Variants in KIF17 observed in about 807,000 individuals in gnomAD.
KIF17 encodes the protein kinesin-like protein KIF17.
Under a neutral mutation model 96.8 loss-of-function variants are expected in KIF17, and 80 were observed. The observed-to-expected ratio is 0.83, with a 90% CI of 0.69 to 1.00. The LOEUF (loss-of-function observed/expected upper bound fraction) is 1.00, where lower values mean the gene tolerates loss of function less well. Ranked by LOEUF, KIF17 falls within the 50% of genes least tolerant of loss-of-function variation. The probability of loss-of-function intolerance (pLI) is 0.00; values close to 1 mark genes in which losing one functional copy is unlikely to be tolerated. For synonymous variants in KIF17, 567 were observed against 587.5 expected (o/e 0.97, Z 0.51); for missense variants, 1,280 against 1,372.9 (o/e 0.93, Z 1.07).
rs774387571 is a variant in KIF17 at position 20,685,971 on chromosome 1, A to C, written c.2019+75T>G. On this transcript the variant is annotated intron_variant, in intron 9 of 14. Transcript: ENST00000400463. This position sits in a 1 kb window ranked among gnomAD's most constrained non-coding sequence, Gnocchi z 4.1. ...TGAGGAAACTGAAGCTCAGGGAGGG[A>C]GAAGACAAGCTGGAGTTTCCCAGGA... The C allele has an allele frequency of 8.4e-7, 1 of 1,188,244 alleles. No homozygotes were observed. Among genetic ancestry groups the C allele is most frequent in the Non-Finnish European group, 1.2e-6 (1 of 815,972 alleles). The allele number at this position is 1,188,244 out of a possible 1,614,324, so 73.6% of individuals were successfully genotyped here.
At chr1:20,681,602 A>G (rs1184322604) in intron 11 of KIF17, among the ~76,000 whole-genome samples, 2 of 152,200 alleles carry the variant, frequency 1.3e-5, no homozygotes, top group Admixed American at 6.5e-5. Flanking sequence ...CATGAGGATC[A>G]GGAGACCCGG....
intron 11 of KIF17, among the ~76,000 whole-genome samples, chr1:20,675,534 G>T (rs965721428): frequency 1.3e-5 from 2 of 152,008 alleles, no homozygotes; most frequent in African/African-American, 4.8e-5. Context: ...CTGTGTGTCT[G>T]TCCTCATGCC....
chr1:20,665,828 G>A lies in KIF17; in HGVS notation c.2908+386C>T, dbSNP rs571915730. Reference sequence around the variant, plus strand: ...GTTGCATTTGTGGCCCTTGATAAGTGAAGTCAATCTGCATTTGGAGGAAGT... The same window carrying A: ...GTTGCATTTGTGGCCCTTGATAAGTAAAGTCAATCTGCATTTGGAGGAAGT... On this transcript the variant is annotated intron_variant, in intron 14 of 14. Coordinates refer to ENST00000400463, the MANE Select transcript of KIF17 (RefSeq NM_001122819.3). Among the ~76,000 whole-genome samples the A allele has an allele frequency of 1.1e-3, 162 of 152,358 alleles. 1 individual carries two copies. The highest frequency in any genetic ancestry group is 2.3e-3 in the Admixed American group (35 of 15,310).
At chr1:20,711,557 G>A (rs577748376) in intron 3 of KIF17, among the ~76,000 whole-genome samples, 2 of 152,286 alleles carry the variant, frequency 1.3e-5, no homozygotes, top group South Asian at 4.1e-4. Flanking sequence ...TCGCTGCCAC[G>A]GGGAGGGGAG....
rs544774886 is a variant in KIF17 at position 20,679,601 on chromosome 1, G to A, written c.2463+3052C>T. Among the ~76,000 whole-genome samples, 56 of 152,300 alleles carry A rather than the reference G, an allele frequency of 3.7e-4. 1 individual carries two copies. The highest frequency in any genetic ancestry group is 5.6e-4 in the Non-Finnish European group (38 of 68,024). On this transcript the variant is annotated intron_variant, in intron 11 of 14. Transcript: ENST00000400463. ...GAGTGGAGTCAGAGACATTCCACGCGTGAGAGGGACTGCTTCCCACTCTGG... is the reference window on the plus strand; with the variant it reads ...GAGTGGAGTCAGAGACATTCCACGCATGAGAGGGACTGCTTCCCACTCTGG...
At chr1:20,697,967 G>A (rs16824496) in intron 6 of KIF17, among the ~76,000 whole-genome samples, 50,640 of 152,070 alleles carry the variant, frequency 0.33, 9,070 homozygotes, top group African/African-American at 0.48. Context: ...GTCGTCGGCT[G>A]CTGGGGGACA....
chr1:20,671,333 T>C (rs115720677), intron 12 of KIF17, among the ~76,000 whole-genome samples: 1 of 152,130 alleles, frequency 6.6e-6, no homozygotes, highest in African/African-American at 2.4e-5. Flanking sequence ...GTTTTTGTTT[T>C]TTCGGGGTTT....
rs2053857446 is a variant in KIF17, at chr1:20,682,884, A to G, written c.2232T>C (p.Arg744=). Residue 744 remains arginine, a splice_region_variant and synonymous_variant, in exon 11 of 15, where the codon CGT becomes CGC. Coordinates refer to ENST00000400463, the MANE Select transcript of KIF17 (RefSeq NM_001122819.3). ...PVVDQQQVLA[R]LQLLEQQVVG... Reference sequence around the variant, plus strand: ...CAACCTGCTGCTCCAACAGCTGCAGACTGCCGGCGTGGAGGAGAAAGCAAA... The same window carrying G: ...CAACCTGCTGCTCCAACAGCTGCAGGCTGCCGGCGTGGAGGAGAAAGCAAA... The G allele has an allele frequency of 6.2e-7, 1 of 1,608,930 alleles. No individual in the cohort carries two copies. Among genetic ancestry groups the G allele is most frequent in the African/African-American group, 1.3e-5 (1 of 74,928 alleles).
In KIF17 at chr1:20,714,997, G is replaced by A. The variant is rs148677791; in HGVS notation, c.378+496C>T. ...TCCCCGTGCACTGCCACAAATGGTC[G>A]CCAGGTAATTCTCACCTGCAGCCTG... On this transcript the variant is annotated intron_variant, in intron 2 of 14. Transcript: ENST00000400463. 9.5e-4 allele frequency among the ~76,000 whole-genome samples: 144 copies of A among 152,226 alleles called. 1 individual carries two copies. Among genetic ancestry groups the A allele is most frequent in the Admixed American group, 1.4e-3 (21 of 15,284 alleles).
At chr1:20,712,924 T>TATATTATAGATATAGATA (rs2054502043) in intron 3 of KIF17, among the ~76,000 whole-genome samples, 1 of 93,486 alleles carries the variant, frequency 1.1e-5, no homozygotes, top group Non-Finnish European at 2.2e-5. Flanking sequence ...ATAATATATC[T>TATATTATAGATATAGATA]ATATTATCTA....
chr1:20,663,182 C>T (rs529172847), downstream of KIF17, among the ~76,000 whole-genome samples: 86 of 152,118 alleles, frequency 5.7e-4, no homozygotes, highest in Non-Finnish European at 2.6e-4. Flanking sequence ...TGAGATTGCC[C>T]GCTGCTGCAC....
At chr1:20,705,029 G>C (rs944398865) in intron 4 of KIF17, 130 bp from the exon 5 acceptor site, 1 of 786,296 alleles carries the variant, frequency 1.3e-6, no homozygotes, top group Non-Finnish European at 2.2e-6. Flanking sequence ...GGAGCCCCAG[G>C]AAGCAGGTGC....
At chr1:20,689,850 A>G (rs553229631) in intron 7 of KIF17, among the ~76,000 whole-genome samples, 27 of 152,274 alleles carry the variant, frequency 1.8e-4, no homozygotes, top group African/African-American at 6.5e-4. Flanking sequence ...TTCACAGCTC[A>G]CAGTCAGCCT....
At position 20,669,537 on chromosome 1, in the gene KIF17, AAATAAT is replaced by A. The variant is rs71585778; in HGVS notation, c.2790+878_2790+883del. ...GGCGACAGAGCGAGACTCTGTCTCG[AAATAAT>A]AATAATAATAATAATAATAATAAAT... On this transcript the variant is annotated intron_variant, in intron 13 of 14. Transcript: ENST00000400463. Among the ~76,000 whole-genome samples the A allele has an allele frequency of 2.8e-3, 338 of 121,114 alleles. 1 individual carries two copies. Among genetic ancestry groups the A allele is most frequent in the Non-Finnish European group, 4.3e-3 (260 of 60,148 alleles). The allele number at this position is 121,114 out of a possible 152,430, so 79.5% of individuals were successfully genotyped here. A position where few individuals can be genotyped will look rare whatever the true frequency, so the allele number is the denominator to read the frequency against.
chr1:20,701,226 T>C (rs1417850803), intron 5 of KIF17, among the ~76,000 whole-genome samples: 3 of 152,106 alleles, frequency 2.0e-5, no homozygotes, highest in African/African-American at 2.4e-5. Context: ...GAGGTCCTGA[T>C]TGAGACCATC....
intron 4 of KIF17, among the ~76,000 whole-genome samples, chr1:20,707,381 G>A (rs1252925156): frequency 6.6e-6 from 1 of 152,188 alleles, no homozygotes; most frequent in Non-Finnish European, 1.5e-5. Flanking sequence ...ACAGTAAAGT[G>A]CAGAAATGCT....
chr1:20,705,337 C>G (rs931971091), intron 4 of KIF17, among the ~76,000 whole-genome samples: 2 of 152,142 alleles, frequency 1.3e-5, no homozygotes, highest in African/African-American at 4.8e-5. Flanking sequence ...CTCCCAGACC[C>G]GGTTCCCAAC....
Position 20,709,723 on chromosome 1 carries a change from G to T in KIF17, c.586C>A (p.Arg196Ser). 3 of 1,614,066 alleles carry T rather than the reference G, an allele frequency of 1.9e-6. No individual in the cohort carries two copies. Among genetic ancestry groups the T allele is most frequent in the Non-Finnish European group, 2.5e-6 (3 of 1,180,032 alleles). Residue 196 changes from arginine (R) to serine (S), a missense_variant, in exon 4 of 15, where the codon CGT (arginine) becomes AGT (serine). Transcript: ENST00000400463. This position sits in a 1 kb window ranked among gnomAD's most constrained non-coding sequence, Gnocchi z 4.7. Reference protein sequence around the residue: ...EHIMETGWKNRSVGYTLMNKD... With the variant: ...EHIMETGWKNSSVGYTLMNKD... ...TTCATCAGCGTGTAGCCGACCGAAC[G>T]GTTCTTCCAGCCAGTCTCCATGATG...
chr1:20,698,967 C>G (rs932939865), intron 5 of KIF17, among the ~76,000 whole-genome samples: 1 of 152,026 alleles, frequency 6.6e-6, no homozygotes, highest in African/African-American at 2.4e-5. Context: ...ATATATTTAT[C>G]GAGACAGGGT....
Sources: gnomAD v4.1 joint callset for allele counts (sites outside exome capture counted in the v4.1 genomes callset) on GRCh38, gnomAD v4.1.1 for gene constraint, Gnocchi (gnomAD v3.1) non-coding constraint, MANE v1.5 for transcripts, NCBI Gene and HGNC (gene_info 2026-07-23, HGNC 2026-07-21) for gene names.